AFF2: variants seen among roughly 807,000 people sequenced by gnomAD.
AFF2 encodes AF4/FMR2 family member 2.
A neutral mutation model predicts 76.9 loss-of-function variants in AFF2; 14 were observed. The ratio of observed to expected loss-of-function variants is 0.18; its 90% CI spans 0.12 to 0.28. The LOEUF (loss-of-function observed/expected upper bound fraction) is 0.28. Ranked by LOEUF, AFF2 falls within the 10% of genes least tolerant of loss-of-function variation. The pLI, the probability that AFF2 is intolerant of heterozygous loss-of-function variation, is 1.00. For missense variants in AFF2, 868 were observed against 1,001.1 expected (o/e 0.87, Z 1.79); for synonymous variants, 398 against 366.7 (o/e 1.09, Z -0.98).
chrX:148,689,460 A>G (rs1318810819), intron 3 of AFF2, among the ~76,000 whole-genome samples: 8 of 109,759 alleles, frequency 7.3e-5, no homozygotes, highest in Non-Finnish European at 3.8e-5. Flanking sequence ...TTGGAGTGGG[A>G]TTTTCACAAT....
intron 7 of AFF2, among the ~76,000 whole-genome samples, chrX:148,857,267 T>C (rs2070796953): frequency 8.9e-6 from 1 of 111,732 alleles, no homozygotes; most frequent in Non-Finnish European, 1.9e-5. Flanking sequence ...AAGAGAGTAA[T>C]GCCATAAAGT....
At chrX:148,722,905 TCTCAAGTCTTCACCA>T (rs1413585683) in intron 3 of AFF2, among the ~76,000 whole-genome samples, 1 of 110,743 alleles carries the variant, frequency 9.0e-6, no homozygotes, top group Non-Finnish European at 1.9e-5. Flanking sequence ...GCTAGCTCTT[TCTCAAGTCTTCACCA>T]CTCAAGTATT....
intron 18 of AFF2, among the ~76,000 whole-genome samples, chrX:148,978,742 T>C (rs150707618): frequency 0.029 from 3,181 of 111,555 alleles, 94 homozygotes; most frequent in African/African-American, 0.094. Flanking sequence ...TTTTTGCTGC[T>C]CTGTGAGGTG....
intron 3 of AFF2, among the ~76,000 whole-genome samples, chrX:148,685,973 A>C (rs1053628428): frequency 5.5e-5 from 6 of 109,965 alleles, no homozygotes; most frequent in Non-Finnish European, 7.6e-5. Context: ...ACATACATAC[A>C]TATACACACA....
At chrX:148,589,424 A>G (rs1331259626) in intron 1 of AFF2, among the ~76,000 whole-genome samples, 5 of 112,260 alleles carry the variant, frequency 4.5e-5, no homozygotes, top group Non-Finnish European at 7.5e-5. Flanking sequence ...CTTCTTTTAC[A>G]TTTTCAGGAA....
chrX:148,672,428 C>G (rs922185807), intron 3 of AFF2, among the ~76,000 whole-genome samples: 1 of 112,158 alleles, frequency 8.9e-6, no homozygotes, highest in Non-Finnish European at 1.9e-5. Context: ...CCTAAAGGCA[C>G]ACAGCCAGCA....
intron 4 of AFF2, 72 bp downstream of exon 4, chrX:148,809,992 T>C: frequency 9.8e-7 from 1 of 1,019,553 alleles, no homozygotes; most frequent in Non-Finnish European, 1.4e-6. Flanking sequence ...TTTAAAGTAA[T>C]TACTGTTCTG....
At chrX:148,692,900 G>A (rs1474175164) in intron 3 of AFF2, among the ~76,000 whole-genome samples, 1 of 110,897 alleles carries the variant, frequency 9.0e-6, no homozygotes, top group African/African-American at 3.3e-5. Flanking sequence ...CTGAATTGAG[G>A]CAAGGTGCCA....
chrX:148,694,175 C>CGGGGGGGGGGGGGGGGGTGGGGG (rs67194871), intron 3 of AFF2, among the ~76,000 whole-genome samples: 1 of 72,851 alleles, frequency 1.4e-5, no homozygotes, highest in Non-Finnish European at 2.5e-5. Flanking sequence ...GTTGTGGGGT[C>CGGGGGGGGGGGGGGGGGTGGGGG]GGGGGGGGGG....
intron 9 of AFF2, among the ~76,000 whole-genome samples, chrX:148,909,981 T>C (rs1324847913): frequency 8.9e-6 from 1 of 112,693 alleles, no homozygotes; most frequent in Non-Finnish European, 1.9e-5. Flanking sequence ...AAAATGTGAA[T>C]TGCTTTTGGC....
intron 1 of AFF2, among the ~76,000 whole-genome samples, chrX:148,537,327 A>G (rs782391415): frequency 8.9e-6 from 1 of 111,885 alleles, no homozygotes; most frequent in African/African-American, 3.2e-5. Flanking sequence ...TTGGTGAAAG[A>G]TGTTGCTTAG....
Position 148,895,977 on chromosome X carries a change from C to T in AFF2, c.1360-8244C>T, listed in dbSNP as rs533036087. On this transcript the variant is annotated intron_variant, in intron 8 of 20. Coordinates refer to ENST00000370460, the MANE Select transcript of AFF2 (RefSeq NM_002025.4). ...GGTTCACCTTCAAGCCTCTGAGCCA[C>T]GAGCCTGCCTGGTAAAGTGGAGAAA... is the stretch of plus-strand genomic sequence containing the variant. 3.6e-5 allele frequency among the ~76,000 whole-genome samples: 4 copies of T among 111,481 alleles called. No homozygotes were observed. The South Asian group carries it at 1.5e-3, about 42-fold the overall frequency.
chrX:148,798,238 C>G (rs78475075), intron 3 of AFF2, among the ~76,000 whole-genome samples: 6 of 111,483 alleles, frequency 5.4e-5, no homozygotes, highest in African/African-American at 2.0e-4. Flanking sequence ...ATCAGGAACC[C>G]ACTCCCATGA....
intron 4 of AFF2, among the ~76,000 whole-genome samples, chrX:148,829,227 G>T (rs782092164): frequency 4.4e-5 from 5 of 112,484 alleles, no homozygotes; most frequent in Middle Eastern, 4.6e-3. Context: ...CCATGGCCAA[G>T]AAGTTATGTT....
At chrX:148,973,979 C>G (rs1164702068) in intron 16 of AFF2, among the ~76,000 whole-genome samples, 3 of 111,353 alleles carry the variant, frequency 2.7e-5, no homozygotes. Context: ...TATTACAAAC[C>G]ATGTTTTCTA....
At chrX:148,859,656 AAAAC>A (rs1317105140) in intron 7 of AFF2, among the ~76,000 whole-genome samples, 5 of 111,574 alleles carry the variant, frequency 4.5e-5, no homozygotes, top group Admixed American at 2.9e-4. Context: ...TAAAAACAGA[AAAAC>A]AAATGTAGAC....
At chrX:148,766,516 T>C (rs2069519529) in intron 3 of AFF2, among the ~76,000 whole-genome samples, 1 of 106,392 alleles carries the variant, frequency 9.4e-6, no homozygotes, top group South Asian at 4.4e-4. Context: ...TTGAGAAGTG[T>C]CTGTTCATGT....
chrX:148,786,027 C>T (rs1391521606), intron 3 of AFF2, among the ~76,000 whole-genome samples: 1 of 111,657 alleles, frequency 9.0e-6, no homozygotes, highest in African/African-American at 3.3e-5. Flanking sequence ...ATCACAGGAT[C>T]GTTGTGAATG....
intron 19 of AFF2, among the ~76,000 whole-genome samples, chrX:148,985,879 G>A (rs1182112458): frequency 9.0e-5 from 10 of 111,239 alleles, no homozygotes; most frequent in Non-Finnish European, 1.9e-4. Context: ...TAGATGGTTT[G>A]CAGAAATGGT....
Sources: allele counts gnomAD v4.1 joint callset (sites outside exome capture counted in the v4.1 genomes callset), GRCh38; gene constraint gnomAD v4.1.1; transcripts MANE v1.5; gene names NCBI Gene and HGNC (gene_info 2026-07-23, HGNC 2026-07-21).